INTS6: variants seen among roughly 807,000 people sequenced by gnomAD.
INTS6 encodes DEAD box protein.
In INTS6, 16 loss-of-function variants were observed where a neutral mutation model predicts 104.9. That is an observed-to-expected ratio of 0.15 (90% CI 0.10 to 0.23). The LOEUF (loss-of-function observed/expected upper bound fraction) is 0.23, where lower values mean the gene tolerates loss of function less well. Among genes scored for constraint, INTS6 ranks in the 10% least tolerant of loss-of-function variants. INTS6 has a pLI of 1.00. For missense variants in INTS6, 584 were observed against 1,062.8 expected (o/e 0.55, Z 6.26); for synonymous variants, 324 against 358.7 (o/e 0.90, Z 1.09).
chr13:51,411,291 C>T (rs1593726721), intron 4 of INTS6, among the ~76,000 whole-genome samples: 2 of 151,606 alleles, frequency 1.3e-5, no homozygotes, highest in African/African-American at 4.8e-5. Context: ...CAGTGGCTCA[C>T]GCCTGTAATC....
In INTS6 at chr13:51,382,064, T is replaced by C; in HGVS notation, c.1240A>G (p.Ser414Gly). ...TAGGGAGGCATTGTCTTCAAATAACTTTCAAATGACTGTCTCCACTTCAAT... is the reference window on the plus strand; with the variant it reads ...TAGGGAGGCATTGTCTTCAAATAACCTTCAAATGACTGTCTCCACTTCAAT... Reference protein sequence around the residue: ...PTLKWRQSFESYLKTMPPYYL... With the variant: ...PTLKWRQSFEGYLKTMPPYYL... Residue 414 changes from serine to glycine, a missense_variant, in exon 10 of 18, where the codon AGT becomes GGT. Physicochemically the swap from Ser to Gly is moderately conservative, Grantham distance 56. Around this residue, in one of 5 missense-constraint regions of INTS6, gnomAD observed 144 missense variants for 348.7 expected, o/e 0.41. Coordinates refer to ENST00000311234, the MANE Select transcript of INTS6 (RefSeq NM_012141.3). 6.2e-7 allele frequency: 1 copy of C among 1,612,094 alleles called. No homozygotes were observed. The highest frequency in any genetic ancestry group is 8.5e-7 in the Non-Finnish European group (1 of 1,179,010).
rs775714417 is a variant in INTS6, at chr13:51,406,442, C to CGTTT, written c.430-10960_430-10959insAAAC. 2.0e-5 allele frequency among the ~76,000 whole-genome samples: 3 copies of CGTTT among 151,874 alleles called. No individual in the cohort carries two copies. The East Asian group carries it at 5.8e-4, about 30-fold the overall frequency. On this transcript the variant is annotated intron_variant, in intron 4 of 17. Transcript: ENST00000311234. The stretch of plus-strand genomic sequence containing the variant: ...TCGAATAATGGATAACCACCTCCTC[C>CGTTT]CTGTTTCTTACGTCACCTCCTCCCT...
Position 51,378,684 on chromosome 13 carries a change from AC to A in INTS6, c.1387-231del, listed in dbSNP as rs1466488178. 1.2e-4 allele frequency among the ~76,000 whole-genome samples: 19 copies of A among 152,196 alleles called. No homozygotes were observed. In the South Asian group the frequency reaches 3.7e-3, roughly 30 times the overall value. Reference sequence around the variant, plus strand: ...TCTAAACTTTTGGAGCAGGACAAACACAATTTCAATTTATTATTTTATTTAT... The same window carrying A: ...TCTAAACTTTTGGAGCAGGACAAACAAATTTCAATTTATTATTTTATTTAT... On this transcript the variant is annotated intron_variant, in intron 11 of 17. Coordinates refer to ENST00000311234, the MANE Select transcript of INTS6 (RefSeq NM_012141.3).
intron 4 of INTS6, among the ~76,000 whole-genome samples, chr13:51,424,899 A>G (rs1956959917): frequency 6.6e-6 from 1 of 152,192 alleles, no homozygotes; most frequent in South Asian, 2.1e-4. Context: ...AAAGTTCTCC[A>G]AAATTCTAAG....
chr13:51,452,395 C>G lies in INTS6; in HGVS notation c.111+20G>C. The G allele has an allele frequency of 5.2e-6, 8 of 1,545,976 alleles. No homozygotes were observed. The highest frequency in any genetic ancestry group is 1.4e-5 in the African/African-American group (1 of 69,978). ...GGGCCGCCGGGCCGGGGTCGCCGCCCGGGCTCGGTCAGTCGGTACCTTCAT... is the reference window on the plus strand; with the variant it reads ...GGGCCGCCGGGCCGGGGTCGCCGCCGGGGCTCGGTCAGTCGGTACCTTCAT... On this transcript the variant is annotated intron_variant, in intron 1 of 17. Coordinates refer to ENST00000311234, the MANE Select transcript of INTS6 (RefSeq NM_012141.3). The surrounding 1 kb of genome is among the most constrained non-coding windows in gnomAD (Gnocchi z 4.2).
At chr13:51,376,376 CA>C (rs969167711) in intron 12 of INTS6, among the ~76,000 whole-genome samples, 2 of 152,090 alleles carry the variant, frequency 1.3e-5, no homozygotes, top group African/African-American at 4.8e-5. Context: ...CTCAACCAAA[CA>C]ATCTCAATTC....
chr13:51,343,296 AG>A, the INTS6 span, among the ~76,000 whole-genome samples: 2 of 152,154 alleles, frequency 1.3e-5, no homozygotes, highest in African/African-American at 4.8e-5. Context: ...AGCCTAAGCA[AG>A]GGGGCTTCAC....
At chr13:51,367,779 T>G in intron 17 of INTS6, 26 bp downstream of exon 17, 1 of 1,287,004 alleles carries the variant, frequency 7.8e-7, no homozygotes, top group Non-Finnish European at 1.1e-6. Flanking sequence ...TCATCACCAT[T>G]TCATTATATG....
intron 5 of INTS6, among the ~76,000 whole-genome samples, chr13:51,393,414 A>G (rs558586315): frequency 1.2e-4 from 18 of 152,300 alleles, no homozygotes; most frequent in African/African-American, 4.1e-4. Context: ...AATTGTTAGC[A>G]GTGATTACAT....
intron 4 of INTS6, among the ~76,000 whole-genome samples, chr13:51,398,418 C>G (rs1264985057): frequency 6.6e-6 from 1 of 151,812 alleles, no homozygotes; most frequent in Non-Finnish European, 1.5e-5. Context: ...ATAAGGATAC[C>G]TAAAAGGAAA....
intron 4 of INTS6, 86 bp from the exon 5 acceptor site, chr13:51,395,569 T>C (rs1173697677): frequency 3.5e-6 from 4 of 1,148,382 alleles, no homozygotes; most frequent in African/African-American, 1.6e-5. Flanking sequence ...ACGTTAGAAC[T>C]GCATCAACTC....
intron 2 of INTS6, among the ~76,000 whole-genome samples, 186 bp downstream of exon 2, chr13:51,451,792 G>C (rs1953058136): frequency 6.7e-6 from 1 of 150,114 alleles, no homozygotes; most frequent in Non-Finnish European, 1.5e-5. Context: ...CCGCGACTCC[G>C]CGCCGCGCTA....
At chr13:51,346,221 A>G in the INTS6 span, among the ~76,000 whole-genome samples, 1 of 152,200 alleles carries the variant, frequency 6.6e-6, no homozygotes, top group Non-Finnish European at 1.5e-5. Context: ...TCTTTCTGAC[A>G]CTGCATGAAA....
Position 51,452,519 on chromosome 13 carries a change from T to C in INTS6, c.7A>G (p.Ile3Val). 1 of 1,610,524 alleles carries C rather than the reference T, an allele frequency of 6.2e-7. No individual in the cohort carries two copies. The highest frequency in any genetic ancestry group is 2.2e-5 in the East Asian group (1 of 44,664). The change falls in exon 1 of 18, where the codon ATC becomes GTC. Residue 3 changes from isoleucine to valine, a missense_variant. Ile to Val is a conservative substitution (Grantham distance 29). This residue lies in a region of INTS6 where 70 missense variants were observed against 190.3 expected (regional missense o/e 0.37). Transcript: ENST00000311234. The surrounding 1 kb of genome is among the most constrained non-coding windows in gnomAD (Gnocchi z 4.2). MP[I>V]LLFLIDTSAS... ...GACGTGTCTATCAGGAACAGTAAGA[T>C]GGGCATAGTGCTGGCCGGGGACACC...
At chr13:51,411,256 AGC>A (rs1566233068) in intron 4 of INTS6, among the ~76,000 whole-genome samples, 14 of 146,028 alleles carry the variant, frequency 9.6e-5, no homozygotes, top group Non-Finnish European at 2.1e-4. Flanking sequence ...TAAATAAATA[AGC>A]AAGCAAGCAC....
At chr13:51,391,104 G>T (rs1019838649) in intron 5 of INTS6, among the ~76,000 whole-genome samples, 3 of 152,086 alleles carry the variant, frequency 2.0e-5, no homozygotes, top group Non-Finnish European at 4.4e-5. Flanking sequence ...TTACTTGAAA[G>T]AATTGGTAAA....
intron 3 of INTS6, chr13:51,450,732 T>C (rs1953023837): frequency 4.8e-6 from 5 of 1,038,346 alleles, no homozygotes; most frequent in African/African-American, 1.7e-5. Context: ...GTAGGATGCT[T>C]TTCCTTTTAG....
chr13:51,389,565 A>G, intron 5 of INTS6, 121 bp from the exon 6 acceptor site: 1 of 880,356 alleles, frequency 1.1e-6, no homozygotes, highest in Non-Finnish European at 1.6e-6. Context: ...CTAATTAACA[A>G]AAGTTCAATG....
chr13:51,403,099 T>C (rs1476587708), intron 4 of INTS6, among the ~76,000 whole-genome samples: 1 of 152,182 alleles, frequency 6.6e-6, no homozygotes, highest in African/African-American at 2.4e-5. Context: ...CATACATTAT[T>C]ACTTATTTTT....
Sources: gnomAD v4.1 joint callset for allele counts (sites outside exome capture counted in the v4.1 genomes callset) on GRCh38, gnomAD v4.1.1 for gene constraint, gnomAD v4.1.1 regional missense constraint, Gnocchi (gnomAD v3.1) non-coding constraint, MANE v1.5 for transcripts, NCBI Gene and HGNC (gene_info 2026-07-23, HGNC 2026-07-21) for gene names.